The following ANKRD2 variants were observed in gnomAD, a reference collection of about 807,000 sequenced individuals.
ANKRD2 encodes the protein ankyrin repeat domain 2.
Under a neutral mutation model 37.3 loss-of-function variants are expected in ANKRD2, and 35 were observed. The observed-to-expected ratio is 0.94, with a 90% CI of 0.72 to 1.24. The LOEUF (loss-of-function observed/expected upper bound fraction) is 1.24, where lower values mean the gene tolerates loss of function less well. ANKRD2 is among the 50% of genes most tolerant of loss of function. ANKRD2 has a pLI of 0.00. For synonymous variants in ANKRD2, 159 were observed against 186.5 expected (o/e 0.85, Z 1.20); for missense variants, 410 against 445.6 (o/e 0.92, Z 0.72).
Position 97,578,307 on chromosome 10 carries a change from A to G in ANKRD2, c.257A>G (p.Gln86Arg), listed in dbSNP as rs2040852684. 1 of 1,613,138 alleles carries G rather than the reference A, an allele frequency of 6.2e-7. No homozygotes were observed. The highest frequency in any genetic ancestry group is 8.5e-7 in the Non-Finnish European group (1 of 1,179,982). ...GAGATCATCGATGTGGGCGGGATCC[A>G]GAACCTCATCGAGCTGCGGAAGAAA... ...RREIIDVGGI[Q>R]NLIELRKKRK... The change falls in exon 3 of 9, where the codon CAG (glutamine) becomes CGG (arginine). Residue 86 changes from glutamine (Q) to arginine (R), a missense_variant. Transcript: ENST00000370655.
intron 2 of ANKRD2, 96 bp from the exon 3 acceptor site, chr10:97,578,144 G>GGGCCCCCCCCCCCACC: frequency 1.5e-6 from 1 of 685,444 alleles, no homozygotes; most frequent in Non-Finnish European, 2.5e-6. Flanking sequence ...GGGTCTTCCT[G>GGGCCCCCCCCCCCACC]CCCACCCCAC....
intron 1 of ANKRD2, among the ~76,000 whole-genome samples, chr10:97,576,820 C>T (rs1342928634): frequency 6.6e-6 from 1 of 151,948 alleles, no homozygotes; most frequent in Admixed American, 6.6e-5. Flanking sequence ...CTTCAGCCTC[C>T]CAAGTAGCTG....
chr10:97,577,362 G>GA (rs2040838357), intron 1 of ANKRD2, among the ~76,000 whole-genome samples: 1 of 152,174 alleles, frequency 6.6e-6, no homozygotes, highest in Non-Finnish European at 1.5e-5. Flanking sequence ...GAACCCCTGG[G>GA]ATTGAGCAAT....
chr10:97,578,153 ACCCTC>A, intron 2 of ANKRD2, 82 bp from the exon 3 acceptor site: 1 of 218,902 alleles, frequency 4.6e-6, no homozygotes, highest in Non-Finnish European at 8.7e-6. Context: ...TGCCCACCCC[ACCCTC>A]CCCACCAGCT....
At chr10:97,582,798 T>G (rs1201332085) in intron 8 of ANKRD2, 96 bp downstream of exon 8, 2 of 1,098,848 alleles carry the variant, frequency 1.8e-6, no homozygotes, top group African/African-American at 1.5e-5. Context: ...CCTAGGGACA[T>G]GTATCATTGG....
At position 97,578,339 on chromosome 10, in the gene ANKRD2, C is replaced by G. The variant is rs1261768482; in HGVS notation, c.289C>G (p.Gln97Glu). The G allele has an allele frequency of 6.2e-7, 1 of 1,613,398 alleles. No homozygotes were observed. Among genetic ancestry groups the G allele is most frequent in the African/African-American group, 1.3e-5 (1 of 74,876 alleles). ...NLIELRKKRK[Q>E]KKRDALAASH... Reference sequence around the variant, plus strand: ...CATCGAGCTGCGGAAGAAACGCAAGCAGAAGAAGCGGGACGCTCTGGCCGC... The same window carrying G: ...CATCGAGCTGCGGAAGAAACGCAAGGAGAAGAAGCGGGACGCTCTGGCCGC... The change falls in exon 3 of 9, where the codon CAG becomes GAG. Residue 97 changes from glutamine to glutamate, a missense_variant. By Grantham distance (29) the Gln-to-Glu change is conservative. Transcript: ENST00000370655.
At chr10:97,582,542 C>A in intron 7 of ANKRD2, 62 bp from the exon 8 acceptor site, 1 of 1,580,826 alleles carries the variant, frequency 6.3e-7, no homozygotes. Flanking sequence ...AGCCCACCTC[C>A]CATCACCCTT....
chr10:97,576,034 G>A (rs1354387371), intron 1 of ANKRD2, among the ~76,000 whole-genome samples: 4 of 152,202 alleles, frequency 2.6e-5, no homozygotes, highest in African/African-American at 7.2e-5. Flanking sequence ...AAGATGCAGT[G>A]TTTCTGATTA....
intron 1 of ANKRD2, 57 bp from the exon 2 acceptor site, chr10:97,577,743 G>A: frequency 3.6e-6 from 5 of 1,399,696 alleles, no homozygotes; most frequent in Non-Finnish European, 3.9e-6. Flanking sequence ...GTGTGGTTGG[G>A]GGAGAGGCTG....
intron 1 of ANKRD2, among the ~76,000 whole-genome samples, chr10:97,574,553 G>C (rs2040800215): frequency 6.6e-6 from 1 of 152,230 alleles, no homozygotes; most frequent in South Asian, 2.1e-4. Context: ...AGGGAGATTG[G>C]TGTCATCTGA....
chr10:97,583,819 C>T lies in ANKRD2; in HGVS notation c.*94C>T. On this transcript the variant is annotated 3_prime_UTR_variant, in exon 9 of 9. Coordinates refer to ENST00000370655, the MANE Select transcript of ANKRD2 (RefSeq NM_001346793.2). ...TCCCGGAGCTAACTGAGGGCCCAGC[C>T]TTTTTTCTGCATGATCCAGGAGCAC... The T allele has an allele frequency of 1.5e-6, 2 of 1,352,760 alleles. No homozygotes were observed. The highest frequency in any genetic ancestry group is 9.7e-7 in the Non-Finnish European group (1 of 1,035,530). 83.8% of individuals were successfully genotyped at this position (1,352,760 alleles called of 1,614,324 possible). A position where few individuals can be genotyped will look rare whatever the true frequency, so the allele number is the denominator to read the frequency against.
chr10:97,578,920 C>A (rs1201424244), intron 4 of ANKRD2, among the ~76,000 whole-genome samples: 1 of 152,218 alleles, frequency 6.6e-6, no homozygotes, highest in Non-Finnish European at 1.5e-5. Context: ...ATCTCTCTCA[C>A]TCACGAGTTG....
upstream of ANKRD2, chr10:97,572,716 G>A (rs1490165359): frequency 3.7e-6 from 6 of 1,604,328 alleles, no homozygotes; most frequent in Admixed American, 1.7e-5. Context: ...TCATGGCAAA[G>A]GCGCCCAGCT....
chr10:97,580,769 G>T, intron 4 of ANKRD2, 86 bp from the exon 5 acceptor site: 1 of 983,952 alleles, frequency 1.0e-6, no homozygotes. Context: ...ATCAAGCTGG[G>T]GGGAAGGCCT....
At chr10:97,578,144 G>GGCCCCCCC in intron 2 of ANKRD2, 96 bp from the exon 3 acceptor site, 2 of 685,428 alleles carry the variant, frequency 2.9e-6, no homozygotes, top group Non-Finnish European at 5.0e-6. Context: ...GGGTCTTCCT[G>GGCCCCCCC]CCCACCCCAC....
rs1028472408 is a variant in ANKRD2 at position 97,577,810 on chromosome 10, G to A, written c.98G>A (p.Gly33Glu). ...AQEEENEKLR[G>E]DARQKLPMDL... ...TCTTTGGATCACCAGAAACTCCGAG[G>A]AGACGCACGCCAGAAGCTGCCCATG... is the stretch of plus-strand genomic sequence containing the variant. Residue 33 changes from glycine to glutamate, a missense_variant, in exon 2 of 9, where the codon GGA becomes GAA. Transcript: ENST00000370655. 7.7e-6 allele frequency: 12 copies of A among 1,563,214 alleles called. No individual in the cohort carries two copies. In the Admixed American group the frequency reaches 2.1e-4, roughly 28 times the overall value.
Position 97,578,505 on chromosome 10 carries a change from C to T in ANKRD2, c.356C>T (p.Pro119Leu), listed in dbSNP as rs36020819. Residue 119 changes from proline to leucine, a missense_variant, in exon 4 of 9, where the codon CCT (proline) becomes CTT (leucine). Pro to Leu is a moderately conservative substitution (Grantham distance 98, BLOSUM62 -3). Transcript: ENST00000370655. ...PPPEPEEITG[P>L]VDEETFLKAA... ...CTGCGTCCACATCTGCAGACTGGCCCTGTGGATGAGGAGACCTTCCTGAAA... is the reference window on the plus strand; with the variant it reads ...CTGCGTCCACATCTGCAGACTGGCCTTGTGGATGAGGAGACCTTCCTGAAA... 9,967 of 1,585,216 alleles carry T rather than the reference C, an allele frequency of 6.3e-3. 29 individuals carry two copies. The highest frequency in any genetic ancestry group is 7.6e-3 in the Non-Finnish European group (8,840 of 1,165,396).
rs2040933633 is a variant in ANKRD2, at chr10:97,583,656, T to C, written c.933T>C (p.Ala311=). The change falls in exon 9 of 9, where the codon GCT becomes GCC. Residue 311 remains alanine (A), a synonymous_variant. Transcript: ENST00000370655. ...RHALEHPEPG[A]EHNGLEGPND... ...CCCTGGAGCATCCTGAGCCGGGGGC[T>C]GAGCATAACGGGCTGGAGGGGCCTA... 1.9e-6 allele frequency: 3 copies of C among 1,606,012 alleles called. No homozygotes were observed. The highest frequency in any genetic ancestry group is 2.5e-6 in the Non-Finnish European group (3 of 1,176,882).
intron 1 of ANKRD2, 45 bp downstream of exon 1, chr10:97,572,920 A>G: frequency 6.5e-7 from 1 of 1,531,578 alleles, no homozygotes. Context: ...GAGGAGATCC[A>G]GTTCTGCTGT....
Sources: gnomAD v4.1 joint callset for allele counts (sites outside exome capture counted in the v4.1 genomes callset) on GRCh38, gnomAD v4.1.1 for gene constraint, MANE v1.5 for transcripts, NCBI Gene and HGNC (gene_info 2026-07-23, HGNC 2026-07-21) for gene names.